The following EDEM3 variants were observed in gnomAD, a reference collection of about 807,000 sequenced individuals.
The protein encoded by EDEM3 is ER degradation enhancing alpha-mannosidase like protein 3.
EDEM3 carries 60 observed loss-of-function variants against 110.2 expected under a neutral mutation model. The ratio of observed to expected loss-of-function variants is 0.54; its 90% CI spans 0.44 to 0.67. The LOEUF is 0.67. Ranked by LOEUF, EDEM3 falls within the 30% of genes least tolerant of loss-of-function variation. The probability of loss-of-function intolerance (pLI) is 0.00; values close to 1 mark genes in which losing one functional copy is unlikely to be tolerated. For missense variants in EDEM3, 996 were observed against 1,121.0 expected (o/e 0.89, Z 1.59); for synonymous variants, 352 against 382.9 (o/e 0.92, Z 0.94).
rs1649037277 is a variant in EDEM3 at position 184,690,949 on chromosome 1, G to A, written c.*3114C>T. On this transcript the variant is annotated 3_prime_UTR_variant, in exon 20 of 20. Transcript: ENST00000318130. ...CATGATGAATTTGGCATGGGGTTTG[G>A]TGAGAGAACAAATGTTGGCTTTACT... The A allele has an allele frequency of 6.6e-6, 1 of 151,474 alleles. No homozygotes were observed. The highest frequency in any genetic ancestry group is 2.1e-4 in the South Asian group (1 of 4,714). 9.4% of individuals were successfully genotyped at this position (151,474 alleles called of 1,614,324 possible).
rs1164154822 is a variant in EDEM3, at chr1:184,754,782, A to C, written c.-136T>G. On this transcript the variant is annotated 5_prime_UTR_variant, in exon 1 of 20. Transcript: ENST00000318130. ...AGTAACACGGACGGCCGCCGGCGCC[A>C]AACTGTTTCCCGAAGCCACCAAGCC... 7.4e-7 allele frequency: 1 copy of C among 1,348,374 alleles called. No individual in the cohort carries two copies. The highest frequency in any genetic ancestry group is 9.6e-7 in the Non-Finnish European group (1 of 1,041,564). The allele number at this position is 1,348,374 out of a possible 1,614,324, so 83.5% of individuals were successfully genotyped here. A position where few individuals can be genotyped will look rare whatever the true frequency, so the allele number is the denominator to read the frequency against.
intron 14 of EDEM3, among the ~76,000 whole-genome samples, chr1:184,712,215 C>T (rs959357313): frequency 4.6e-5 from 7 of 151,870 alleles, no homozygotes; most frequent in African/African-American, 1.2e-4. Context: ...CATGAGCCAC[C>T]GCACCTGGCC....
rs1243595888 is a variant in EDEM3, at chr1:184,693,920, A to G, written c.*143T>C. 21 of 818,308 alleles carry G rather than the reference A, an allele frequency of 2.6e-5. No homozygotes were observed. The highest frequency in any genetic ancestry group is 3.7e-5 in the Non-Finnish European group (20 of 533,922). 50.7% of individuals were successfully genotyped at this position (818,308 alleles called of 1,614,324 possible). On this transcript the variant is annotated 3_prime_UTR_variant, in exon 20 of 20. Transcript: ENST00000318130. ...ACACAGCATGCTCCAGATTCCTACG[A>G]TAACTACGCCAGTCAGAACGTGGTT...
intron 13 of EDEM3, among the ~76,000 whole-genome samples, chr1:184,713,195 G>A (rs1207020478): frequency 6.6e-6 from 1 of 152,066 alleles, no homozygotes; most frequent in Non-Finnish European, 1.5e-5. Flanking sequence ...GAACCCAGGA[G>A]ATGGAGATTG....
At chr1:184,737,799 TAAA>T (rs1651919091) in intron 2 of EDEM3, 88 bp from the exon 3 acceptor site, 2 of 1,128,282 alleles carry the variant, frequency 1.8e-6, no homozygotes, top group Admixed American at 2.2e-5. Flanking sequence ...AGTTAAAAAA[TAAA>T]ATAATAGTCA....
At chr1:184,744,786 T>C (rs192641255) in intron 2 of EDEM3, among the ~76,000 whole-genome samples, 1 of 152,170 alleles carries the variant, frequency 6.6e-6, no homozygotes, top group African/African-American at 2.4e-5. Flanking sequence ...CAACTAACAC[T>C]ACTGAGCAAT....
chr1:184,690,258 T>G lies in EDEM3; in HGVS notation c.*3805A>C, dbSNP rs1255474251. 2 of 152,324 alleles carry G rather than the reference T, an allele frequency of 1.3e-5. No homozygotes were observed. Among genetic ancestry groups the G allele is most frequent in the Non-Finnish European group, 1.5e-5 (1 of 68,018 alleles). The allele number at this position is 152,324 out of a possible 1,614,324, so 9.4% of individuals were successfully genotyped here. A position where few individuals can be genotyped will look rare whatever the true frequency, so the allele number is the denominator to read the frequency against. On this transcript the variant is annotated 3_prime_UTR_variant, in exon 20 of 20. Coordinates refer to ENST00000318130, the MANE Select transcript of EDEM3 (RefSeq NM_025191.4). ...ATAATTTATACACAATTCTAGAGTTTTATTCACTTAGCATTACCTTTGTGC... is the reference window on the plus strand; with the variant it reads ...ATAATTTATACACAATTCTAGAGTTGTATTCACTTAGCATTACCTTTGTGC...
At position 184,696,160 on chromosome 1, in the gene EDEM3, A is replaced by G. The variant is rs554755855; in HGVS notation, c.2390-1688T>C. Among the ~76,000 whole-genome samples the G allele has an allele frequency of 1.1e-4, 17 of 152,052 alleles. No individual in the cohort carries two copies. The South Asian group carries it at 3.5e-3, about 32-fold the overall frequency. On this transcript the variant is annotated intron_variant, in intron 19 of 19. Transcript: ENST00000318130. ...AATGAGCCATCAGAGAAGAGTAGAG[A>G]CAGGGGTCCTCACCACACCCAAACA...
At chr1:184,697,474 T>C (rs751142007) in intron 19 of EDEM3, among the ~76,000 whole-genome samples, 13 of 151,742 alleles carry the variant, frequency 8.6e-5, no homozygotes, top group Non-Finnish European at 1.8e-4. Flanking sequence ...TAAAATATAC[T>C]CAAAACAGCA....
In EDEM3 at chr1:184,712,497, G is replaced by A; in HGVS notation, c.1472C>T (p.Thr491Ile). The change falls in exon 14 of 20, where the codon ACA becomes ATA. Residue 491 changes from threonine to isoleucine, a missense_variant. By Grantham distance (89) the Thr-to-Ile change is moderately conservative (BLOSUM62 -1). Coordinates refer to ENST00000318130, the MANE Select transcript of EDEM3 (RefSeq NM_025191.4). ...CCAAAGAGGTAACAGATGAGCTTCT[G>A]TTGTAAAGATGTAATCTTCTATGTC... The part of the protein sequence containing the change: ...IFDIEDYIFT[T>I]EAHLLPLWLS... 3 of 1,607,016 alleles carry A rather than the reference G, an allele frequency of 1.9e-6. No individual in the cohort carries two copies. The highest frequency in any genetic ancestry group is 2.5e-6 in the Non-Finnish European group (3 of 1,177,424).
At chr1:184,725,317 T>C (rs184941480) in intron 7 of EDEM3, among the ~76,000 whole-genome samples, 201 of 152,318 alleles carry the variant, frequency 1.3e-3, no homozygotes, top group African/African-American at 4.7e-3. Context: ...TGCAGGTCTG[T>C]CATACTCTTT....
intron 15 of EDEM3, among the ~76,000 whole-genome samples, chr1:184,711,504 A>G (rs186781585): frequency 1.6e-3 from 241 of 152,316 alleles, no homozygotes; most frequent in Non-Finnish European, 2.7e-3. Context: ...TAAAAGATAT[A>G]TTGAAAGTTT....
At position 184,723,656 on chromosome 1, in the gene EDEM3, A is replaced by G; in HGVS notation, c.853+95T>C. The G allele has an allele frequency of 4.0e-6, 4 of 993,630 alleles. No individual in the cohort carries two copies. In the South Asian group the frequency reaches 5.8e-5, roughly 14 times the overall value. The allele number at this position is 993,630 out of a possible 1,614,324, so 61.6% of individuals were successfully genotyped here. A position where few individuals can be genotyped will look rare whatever the true frequency, so the allele number is the denominator to read the frequency against. Reference sequence around the variant, plus strand: ...AATCTTGTGAGAACCTATGCTTTATAGTATCCCAAAGATTATTTTAACAAA... The same window carrying G: ...AATCTTGTGAGAACCTATGCTTTATGGTATCCCAAAGATTATTTTAACAAA... On this transcript the variant is annotated intron_variant, in intron 8 of 19. Transcript: ENST00000318130.
At chr1:184,726,753 T>C (rs1651215130) in intron 6 of EDEM3, among the ~76,000 whole-genome samples, 3 of 152,184 alleles carry the variant, frequency 2.0e-5, no homozygotes, top group Admixed American at 6.5e-5. Flanking sequence ...AGTACAAGAA[T>C]AGGGAAGTAG....
intron 19 of EDEM3, among the ~76,000 whole-genome samples, chr1:184,697,568 T>C (rs1367515433): frequency 6.6e-6 from 1 of 151,760 alleles, no homozygotes; most frequent in African/African-American, 2.4e-5. Context: ...GCAAGAATAT[T>C]TGATATATAG....
chr1:184,719,940 C>T (rs1358312909), intron 9 of EDEM3, among the ~76,000 whole-genome samples: 3 of 152,194 alleles, frequency 2.0e-5, no homozygotes, highest in African/African-American at 7.2e-5. Flanking sequence ...ACAGAATTTG[C>T]TTTTTCCTGT....
rs921038182 is a variant in EDEM3, at chr1:184,691,622, A to T, written c.*2441T>A. ...AAAGTTAACTAAAAAACAAAACACTAAAAAAAAAAAAAACAACTAATGCCT... is the reference window on the plus strand; with the variant it reads ...AAAGTTAACTAAAAAACAAAACACTTAAAAAAAAAAAAACAACTAATGCCT... On this transcript the variant is annotated 3_prime_UTR_variant, in exon 20 of 20. Coordinates refer to ENST00000318130, the MANE Select transcript of EDEM3 (RefSeq NM_025191.4). The T allele has an allele frequency of 7.6e-6, 1 of 130,796 alleles. No homozygotes were observed. The highest frequency in any genetic ancestry group is 3.1e-5 in the African/African-American group (1 of 32,642). The allele number at this position is 130,796 out of a possible 1,614,324, so 8.1% of individuals were successfully genotyped here.
Position 184,732,937 on chromosome 1 carries a change from T to C in EDEM3, c.512A>G (p.Tyr171Cys), listed in dbSNP as rs1172694034. 4 of 1,613,980 alleles carry C rather than the reference T, an allele frequency of 2.5e-6. No homozygotes were observed. The Admixed American group carries it at 5.0e-5, about 20-fold the overall frequency. Residue 171 changes from tyrosine (Y) to cysteine (C), a missense_variant, in exon 6 of 20, where the codon TAT (tyrosine) becomes TGT (cysteine). By Grantham distance (194) the Tyr-to-Cys change is radical. Transcript: ENST00000318130. ...AAGTTCATCATTGTACCACTGCATA[T>C]ATTCACCTTTTTCTTTCAGCATGAT... ...LAIMLKEKGE[Y>C]MQWYNDELLQ...
At position 184,692,897 on chromosome 1, in the gene EDEM3, G is replaced by C. The variant is rs1187479249; in HGVS notation, c.*1166C>G. The C allele has an allele frequency of 2.0e-5, 3 of 151,020 alleles. No homozygotes were observed. The highest frequency in any genetic ancestry group is 7.3e-5 in the African/African-American group (3 of 40,928). The allele number at this position is 151,020 out of a possible 1,614,324, so 9.4% of individuals were successfully genotyped here. A position where few individuals can be genotyped will look rare whatever the true frequency, so the allele number is the denominator to read the frequency against. On this transcript the variant is annotated 3_prime_UTR_variant, in exon 20 of 20. Coordinates refer to ENST00000318130, the MANE Select transcript of EDEM3 (RefSeq NM_025191.4). ...TCACCATACACTAATTTTCAAGTCC[G>C]TATCAGAAGGAATATCTGTTAAAAA...
Sources: allele counts gnomAD v4.1 joint callset (sites outside exome capture counted in the v4.1 genomes callset), GRCh38; gene constraint gnomAD v4.1.1; transcripts MANE v1.5; gene names NCBI Gene and HGNC (gene_info 2026-07-23, HGNC 2026-07-21).